The following SLTM variants were observed in gnomAD, a reference collection of about 807,000 sequenced individuals.
SLTM encodes the protein SAFB-like transcription modulator.
Under a neutral mutation model 134.6 loss-of-function variants are expected in SLTM, and 43 were observed. The observed-to-expected ratio is 0.32, with a 90% CI of 0.25 to 0.41. The LOEUF (loss-of-function observed/expected upper bound fraction) is 0.41. Ranked by LOEUF, SLTM falls within the 10% of genes least tolerant of loss-of-function variation. SLTM has a pLI of 1.00. For missense variants in SLTM, 1,055 were observed against 1,288.8 expected (o/e 0.82, Z 2.78); for synonymous variants, 424 against 432.3 (o/e 0.98, Z 0.24).
rs1429321376 is a variant in SLTM at position 58,887,075 on chromosome 15, C to G, written c.2735G>C (p.Ser912Thr). The G allele has an allele frequency of 1.2e-6, 2 of 1,614,088 alleles. No homozygotes were observed. The highest frequency in any genetic ancestry group is 8.5e-7 in the Non-Finnish European group (1 of 1,180,036). ...ERSGREVSGH[S>T]VRGAPPGNRS... ...ATTCCCAGGGGGAGCGCCTCTCACA[C>G]TGTGCCCTGATACTTCTCTCCCAGA... The change falls in exon 19 of 21, where the codon AGT (serine) becomes ACT (threonine). Residue 912 changes from serine (S) to threonine (T), a missense_variant. Physicochemically the swap from Ser to Thr is moderately conservative, Grantham distance 58. This residue lies in a region of SLTM where 776 missense variants were observed against 962.2 expected (regional missense o/e 0.81). Transcript: ENST00000380516.
At chr15:58,898,719 CAAAG>C in intron 8 of SLTM, 80 bp downstream of exon 8, 2 of 1,033,960 alleles carry the variant, frequency 1.9e-6, no homozygotes, top group South Asian at 1.4e-5. Flanking sequence ...GACTAAATGT[CAAAG>C]AAAACACCGC....
chr15:58,903,270 G>C (rs1272393524), intron 5 of SLTM, among the ~76,000 whole-genome samples: 1 of 151,910 alleles, frequency 6.6e-6, no homozygotes, highest in Non-Finnish European at 1.5e-5. Context: ...CCTGACCTCA[G>C]GTGATCCACC....
At position 58,933,641 on chromosome 15, in the gene SLTM, C is replaced by G. The variant is rs566641131; in HGVS notation, c.-76G>C. On this transcript the variant is annotated 5_prime_UTR_variant, in exon 1 of 21. Transcript: ENST00000380516. ...GCAGCAGCGCCAACTTCCACCCAGG[C>G]CTCGGCGGCCGCCGGCGCCGCGCAG... 4 of 1,388,658 alleles carry G rather than the reference C, an allele frequency of 2.9e-6. No homozygotes were observed. Among genetic ancestry groups the G allele is most frequent in the Admixed American group, 3.7e-5 (1 of 26,956 alleles). 86.0% of individuals were successfully genotyped at this position (1,388,658 alleles called of 1,614,324 possible). A position where few individuals can be genotyped will look rare whatever the true frequency, so the allele number is the denominator to read the frequency against.
Position 58,881,468 on chromosome 15 carries a change from A to G in SLTM, c.2997-1361T>C, listed in dbSNP as rs573242589. On this transcript the variant is annotated intron_variant, in intron 20 of 20. Transcript: ENST00000380516. ...CGTGAACCCAGGAGGCGGAGGATGCAGTGAGCTGAGATAGTGCCACTGCAC... is the reference window on the plus strand; with the variant it reads ...CGTGAACCCAGGAGGCGGAGGATGCGGTGAGCTGAGATAGTGCCACTGCAC... Among the ~76,000 whole-genome samples the G allele has an allele frequency of 9.2e-5, 14 of 152,058 alleles. No individual in the cohort carries two copies. In the South Asian group the frequency reaches 2.9e-3, roughly 32 times the overall value.
chr15:58,892,238 T>C (rs777656116), intron 14 of SLTM, among the ~76,000 whole-genome samples: 3 of 152,170 alleles, frequency 2.0e-5, no homozygotes, highest in Non-Finnish European at 2.9e-5. Flanking sequence ...AAAATTGATA[T>C]ACAAAAGTAA....
chr15:58,923,529 G>C (rs2037243884), intron 2 of SLTM, among the ~76,000 whole-genome samples: 1 of 152,118 alleles, frequency 6.6e-6, no homozygotes, highest in African/African-American at 2.4e-5. Flanking sequence ...CCTAACTTTT[G>C]TAATATCACA....
At chr15:58,910,740 ATTCT>A (rs1286601053) in intron 5 of SLTM, among the ~76,000 whole-genome samples, 1 of 134,762 alleles carries the variant, frequency 7.4e-6, no homozygotes, top group East Asian at 2.3e-4. Context: ...TTTCTCATAG[ATTCT>A]TTTTTTTTTT....
At chr15:58,882,893 A>G (rs1431361585) in intron 20 of SLTM, among the ~76,000 whole-genome samples, 1 of 152,244 alleles carries the variant, frequency 6.6e-6, no homozygotes, top group African/African-American at 2.4e-5. Context: ...TTTGTGTTAA[A>G]TGTCTAAAAG....
intron 5 of SLTM, among the ~76,000 whole-genome samples, chr15:58,904,446 A>G (rs1365183960): frequency 6.6e-6 from 1 of 152,248 alleles, no homozygotes; most frequent in Non-Finnish European, 1.5e-5. Flanking sequence ...AAGCTCGGCC[A>G]TAAGCTAAGA....
intron 18 of SLTM, 32 bp from the exon 19 acceptor site, chr15:58,887,151 C>G (rs1203588675): frequency 6.2e-7 from 1 of 1,613,352 alleles, no homozygotes; most frequent in African/African-American, 1.3e-5. Flanking sequence ...CATACATGAT[C>G]AAAACTGTAA....
At chr15:58,922,545 TATGTATATA>T (rs1487065581) in intron 2 of SLTM, among the ~76,000 whole-genome samples, 112 of 144,050 alleles carry the variant, frequency 7.8e-4, no homozygotes, top group East Asian at 7.5e-3. Context: ...ATATATTTTA[TATGTATATA>T]ATATGTATAT....
rs796720108 is a variant in SLTM at position 58,932,748 on chromosome 15, A to G, written c.163-305T>C. ...TTCTATTGCAGAAAAGTTGCTAGCT[A>G]CTAAAGTAAATAACTAAAAAGAGTT... On this transcript the variant is annotated intron_variant, in intron 1 of 20. Coordinates refer to ENST00000380516, the MANE Select transcript of SLTM (RefSeq NM_024755.4). Among the ~76,000 whole-genome samples, 64 of 152,378 alleles carry G rather than the reference A, an allele frequency of 4.2e-4. 1 individual carries two copies. Among genetic ancestry groups the G allele is most frequent in the African/African-American group, 1.3e-3 (56 of 41,590 alleles).
intron 2 of SLTM, among the ~76,000 whole-genome samples, chr15:58,923,799 CTTTTTTTTTTTTT>C (rs34100406): frequency 1.3e-4 from 9 of 69,546 alleles, no homozygotes; most frequent in African/African-American, 3.3e-4. Flanking sequence ...GAAGCCAAAC[CTTTTTTTTTTTTT>C]TTTTTTTTTT....
intron 2 of SLTM, among the ~76,000 whole-genome samples, chr15:58,918,343 A>C (rs1223436301): frequency 6.6e-6 from 1 of 152,162 alleles, no homozygotes; most frequent in Non-Finnish European, 1.5e-5. Flanking sequence ...TACCTAGTTC[A>C]AGCTTCAGTA....
At chr15:58,915,746 T>C (rs987302621) in intron 3 of SLTM, among the ~76,000 whole-genome samples, 3 of 151,848 alleles carry the variant, frequency 2.0e-5, no homozygotes, top group Non-Finnish European at 4.4e-5. Flanking sequence ...TGAAGAGAGC[T>C]AGGAGGCAGG....
intron 2 of SLTM, among the ~76,000 whole-genome samples, chr15:58,921,767 ACTT>A (rs1410485087): frequency 3.5e-4 from 53 of 152,176 alleles, no homozygotes; most frequent in Middle Eastern, 3.4e-3. Context: ...AATATTGTTA[ACTT>A]CTTTTTTTCT....
Position 58,888,426 on chromosome 15 carries a change from C to G in SLTM, c.2334G>C (p.Arg778Ser). The G allele has an allele frequency of 6.2e-7, 1 of 1,612,982 alleles. No homozygotes were observed. Among genetic ancestry groups the G allele is most frequent in the Non-Finnish European group, 8.5e-7 (1 of 1,179,766 alleles). The change falls in exon 17 of 21, where the codon AGG becomes AGC. Residue 778 changes from arginine to serine, a missense_variant. Arg to Ser is a moderately radical substitution (Grantham distance 110). This residue lies in a region of SLTM where 776 missense variants were observed against 962.2 expected (regional missense o/e 0.81). Transcript: ENST00000380516. ...ACTGTACTGCTGAACTCTCAGGAAA[C>G]CTGCCCCTCTCTCGGTGATCAAAGT... ...FNDFDHRERG[R>S]FPESSAVQSS...
chr15:58,915,280 A>G (rs1467338590), intron 3 of SLTM, among the ~76,000 whole-genome samples: 1 of 152,236 alleles, frequency 6.6e-6, no homozygotes, highest in Non-Finnish European at 1.5e-5. Flanking sequence ...TTATTTAATC[A>G]TAACACAAAA....
chr15:58,933,406 G>C lies in SLTM; in HGVS notation c.160C>G (p.Gln54Glu). The C allele has an allele frequency of 1.3e-6, 2 of 1,578,306 alleles. No individual in the cohort carries two copies. The highest frequency in any genetic ancestry group is 1.7e-6 in the Non-Finnish European group (2 of 1,162,538). ...VKTVLISRLK[Q>E]AIEEEGGDPD... ...TTCCGGTCCTCGCCGGGCCTCACCT[G>C]CTTGAGTCGGGAGATGAGCACGGTC... Residue 54 changes from glutamine (Q) to glutamate (E), a missense_variant and splice_region_variant, in exon 1 of 21, where the codon CAG (glutamine) becomes GAG (glutamate). Physicochemically the swap from Gln to Glu is conservative, Grantham distance 29 (BLOSUM62 2). Coordinates refer to ENST00000380516, the MANE Select transcript of SLTM (RefSeq NM_024755.4).
Sources: gnomAD v4.1 joint callset for allele counts (sites outside exome capture counted in the v4.1 genomes callset) on GRCh38, gnomAD v4.1.1 for gene constraint, gnomAD v4.1.1 regional missense constraint, MANE v1.5 for transcripts, NCBI Gene and HGNC (gene_info 2026-07-23, HGNC 2026-07-21) for gene names.